The following UTP4 variants were observed in gnomAD, a reference collection of about 807,000 sequenced individuals.
UTP4 encodes the protein UTP4 small subunit processome component.
In UTP4, 45 loss-of-function variants were observed where a neutral mutation model predicts 82.4. That is an observed-to-expected ratio of 0.55 (90% confidence interval 0.43 to 0.70). The LOEUF is 0.70. Ranked by LOEUF, UTP4 falls within the 30% of genes least tolerant of loss-of-function variation. The probability of loss-of-function intolerance (pLI) is 0.00; values close to 1 mark genes in which losing one functional copy is unlikely to be tolerated. For missense variants in UTP4, 819 were observed against 858.3 expected, an observed-to-expected ratio of 0.95 and a Z score of 0.57; for synonymous variants, 348 against 300.3, an observed-to-expected ratio of 1.16 and a Z score of -1.64.
At chr16:69,147,104 G>T (rs1027488637) in intron 6 of UTP4, among the ~76,000 whole-genome samples, 1 of 149,802 alleles carries the variant, frequency 6.7e-6, no homozygotes, top group Non-Finnish European at 1.5e-5. Context: ...TTGAACCCGG[G>T]AGATAGACGT....
rs755980981 is a variant in UTP4 at position 69,167,115 on chromosome 16, C to T, written c.1874C>T (p.Pro625Leu). ...NDKTLLYNPF[P>L]PTNESDVIRR... is the part of the protein sequence containing the mutation. ...AAAACCTTACTCTACAATCCATTTCCTCCCACGAATGAATCAGATGTCATC... is the reference window on the plus strand; with the variant it reads ...AAAACCTTACTCTACAATCCATTTCTTCCCACGAATGAATCAGATGTCATC... Residue 625 changes from proline (P) to leucine (L), a missense_variant, in exon 16 of 17, where the codon CCT becomes CTT. Physicochemically the swap from Pro to Leu is moderately conservative, Grantham distance 98. Coordinates refer to ENST00000314423, the MANE Select transcript of UTP4 (RefSeq NM_032830.3). 13 of 1,613,868 alleles carry T rather than the reference C, an allele frequency of 8.1e-6. No homozygotes were observed. In the South Asian group the frequency reaches 1.3e-4, roughly 16 times the overall value.
chr16:69,167,055 A>T lies in UTP4; in HGVS notation c.1834-20A>T, dbSNP rs761408231. ...CCCAATAAAAGTAACCATTTAAACA[A>T]TGTGTCTTTGTTTTTTTAGCCCCTT... On this transcript the variant is annotated intron_variant, in intron 15 of 16. Coordinates refer to ENST00000314423, the MANE Select transcript of UTP4 (RefSeq NM_032830.3). 6.5e-7 allele frequency: 1 copy of T among 1,540,708 alleles called. No homozygotes were observed. The highest frequency in any genetic ancestry group is 9.0e-7 in the Non-Finnish European group (1 of 1,113,178).
intron 10 of UTP4, among the ~76,000 whole-genome samples, chr16:69,155,280 C>A (rs990696545): frequency 6.6e-6 from 1 of 151,876 alleles, no homozygotes; most frequent in Admixed American, 6.6e-5. Flanking sequence ...CTCAGGTGAT[C>A]CTACCACTTC....
At chr16:69,146,420 A>G (rs1490482485) in intron 6 of UTP4, among the ~76,000 whole-genome samples, 1 of 152,180 alleles carries the variant, frequency 6.6e-6, no homozygotes, top group East Asian at 1.9e-4. Context: ...TTTACTTAGC[A>G]TATTGTTCTC....
At chr16:69,161,659 G>A (rs1033416960) in intron 13 of UTP4, among the ~76,000 whole-genome samples, 14 of 152,210 alleles carry the variant, frequency 9.2e-5, no homozygotes, top group African/African-American at 2.9e-4. Context: ...TTTTGTACGC[G>A]GTTAAATAAG....
Position 69,163,075 on chromosome 16 carries a change from G to A in UTP4, c.1552-8G>A. 1.9e-6 allele frequency: 3 copies of A among 1,611,512 alleles called. No homozygotes were observed. The South Asian group carries it at 3.3e-5, about 18-fold the overall frequency. Reference sequence around the variant, plus strand: ...GAGTTGCCACTTGTGTCTGTTATTTGTTCCCAGCTTCACTGCACGGTGCCT... The same window carrying A: ...GAGTTGCCACTTGTGTCTGTTATTTATTCCCAGCTTCACTGCACGGTGCCT... On this transcript the variant is annotated splice_polypyrimidine_tract_variant and splice_region_variant and intron_variant, in intron 13 of 16. Transcript: ENST00000314423.
chr16:69,166,724 A>G (rs1597156146), intron 15 of UTP4: 1 of 281,750 alleles, frequency 3.5e-6, no homozygotes, highest in Non-Finnish European at 6.8e-6. Flanking sequence ...TTCCATTCTG[A>G]CAAAGTGATA....
At chr16:69,152,991 C>T (rs892061065) in intron 8 of UTP4, among the ~76,000 whole-genome samples, 2 of 152,154 alleles carry the variant, frequency 1.3e-5, no homozygotes, top group African/African-American at 2.4e-5. Context: ...TCCCTGTTGG[C>T]TTCAGCATAA....
chr16:69,163,804 G>T (rs1963626101), intron 14 of UTP4, among the ~76,000 whole-genome samples: 1 of 151,776 alleles, frequency 6.6e-6, no homozygotes, highest in African/African-American at 2.4e-5. Flanking sequence ...CTGAGCTGTT[G>T]GGAAGATTAA....
intron 13 of UTP4, among the ~76,000 whole-genome samples, chr16:69,162,625 T>G (rs1963591862): frequency 6.7e-6 from 1 of 150,184 alleles, no homozygotes; most frequent in Non-Finnish European, 1.5e-5. Flanking sequence ...GGCAGGAGAA[T>G]CACTTGAAAC....
intron 3 of UTP4, among the ~76,000 whole-genome samples, chr16:69,137,246 G>A (rs1414452240): frequency 6.6e-6 from 1 of 152,056 alleles, no homozygotes; most frequent in Non-Finnish European, 1.5e-5. Context: ...AATGCACATC[G>A]GTACATGAAG....
intron 8 of UTP4, 101 bp downstream of exon 8, chr16:69,151,005 A>G (rs1963248291): frequency 1.1e-6 from 1 of 873,078 alleles, no homozygotes; most frequent in East Asian, 2.6e-5. Flanking sequence ...GCAAATTTGT[A>G]GGACTTTTTT....
chr16:69,160,679 C>T (rs529158003), intron 13 of UTP4, among the ~76,000 whole-genome samples: 15 of 151,472 alleles, frequency 9.9e-5, no homozygotes, highest in Admixed American at 7.2e-4. Context: ...TCACTGCAAC[C>T]TCAGCCTCCC....
intron 9 of UTP4, among the ~76,000 whole-genome samples, 180 bp from the exon 10 acceptor site, chr16:69,154,213 G>T (rs1887202063): frequency 6.6e-6 from 1 of 152,136 alleles, no homozygotes; most frequent in Admixed American, 6.6e-5. Context: ...AGCAAAAGAA[G>T]TACTCACTGC....
At position 69,155,334 on chromosome 16, in the gene UTP4, C is replaced by T. The variant is rs139736727; in HGVS notation, c.1165-537C>T. 9.8e-4 allele frequency among the ~76,000 whole-genome samples: 149 copies of T among 152,102 alleles called. 2 individuals are homozygous for T. Among genetic ancestry groups the T allele is most frequent in the Middle Eastern group, 6.8e-3 (2 of 294 alleles). Reference sequence around the variant, plus strand: ...GACTACAGGTGTGCACCACCATGCCCGGCTAATTTTTTGTAGAGTCAGGGT... The same window carrying T: ...GACTACAGGTGTGCACCACCATGCCTGGCTAATTTTTTGTAGAGTCAGGGT... On this transcript the variant is annotated intron_variant, in intron 10 of 16. Transcript: ENST00000314423.
chr16:69,157,104 C>T lies in UTP4; in HGVS notation c.1308C>T (p.Phe436=), dbSNP rs140221825. The T allele has an allele frequency of 3.4e-4, 546 of 1,614,234 alleles. No individual in the cohort carries two copies. The highest frequency in any genetic ancestry group is 6.8e-4 in the Admixed American group (41 of 60,022). ...SLKRVSKMPA[F]LRSALQILFS... ...CAAAGGTTTCCAAAATGCCAGCATT[C>T]CTTCGCTCTGCCCTTCAGATTTTGT... is the stretch of plus-strand genomic sequence containing the variant. The change falls in exon 12 of 17, where the codon TTC becomes TTT. Residue 436 remains phenylalanine (F), a synonymous_variant. Transcript: ENST00000314423.
chr16:69,140,674 A>C (rs539028685), intron 5 of UTP4, among the ~76,000 whole-genome samples: 311 of 145,026 alleles, frequency 2.1e-3, no homozygotes, highest in Non-Finnish European at 3.8e-3. Flanking sequence ...ACTGCGTCTC[A>C]AAAAAAAAAA....
chr16:69,133,089 T>G (rs1479717108), intron 1 of UTP4: 2 of 312,284 alleles, frequency 6.4e-6, no homozygotes, highest in Non-Finnish European at 1.2e-5. Flanking sequence ...AGCTCGGTTC[T>G]GCCTGCCCCA....
intron 6 of UTP4, among the ~76,000 whole-genome samples, chr16:69,145,478 C>G (rs1963084558): frequency 1.3e-5 from 2 of 152,202 alleles, no homozygotes; most frequent in South Asian, 4.2e-4. Flanking sequence ...GTTTTGAACT[C>G]CTGACCTCAG....
Sources: gnomAD v4.1 joint callset for allele counts (sites outside exome capture counted in the v4.1 genomes callset) on GRCh38, gnomAD v4.1.1 for gene constraint, MANE v1.5 for transcripts, NCBI Gene and HGNC (gene_info 2026-07-23, HGNC 2026-07-21) for gene names.